Variants in SRP19 observed in about 807,000 individuals in gnomAD.
The protein encoded by SRP19 is signal recognition particle 19 kDa protein.
In SRP19, 11 loss-of-function variants were observed where a neutral mutation model predicts 22.4. The observed-to-expected ratio is 0.49, with a 90% CI of 0.31 to 0.81. The LOEUF is 0.81. Among genes scored for constraint, SRP19 ranks in the 40% least tolerant of loss-of-function variants. The pLI is 0.05. For missense variants in SRP19, 168 were observed against 175.9 expected (o/e 0.96, Z 0.25); for synonymous variants, 61 against 57.6 (o/e 1.06, Z -0.27).
chr5:112,867,797 T>G lies in SRP19; in HGVS notation c.*260T>G. 1 of 1,166,422 alleles carries G rather than the reference T, an allele frequency of 8.6e-7. No homozygotes were observed. Among genetic ancestry groups the G allele is most frequent in the Non-Finnish European group, 1.1e-6 (1 of 945,110 alleles). 72.3% of individuals were successfully genotyped at this position (1,166,422 alleles called of 1,614,324 possible). ...GAAGAAAATATTTTTAAATGGACAA[T>G]GGACTGTACAATAAGTTACTTGAAA... is the stretch of plus-strand genomic sequence containing the variant. On this transcript the variant is annotated 3_prime_UTR_variant, in exon 5 of 5. Coordinates refer to ENST00000505459, the MANE Select transcript of SRP19 (RefSeq NM_003135.3).
chr5:112,877,249 A>G (rs1767925306), intron 4 of SRP19: 1 of 152,170 alleles, frequency 6.6e-6, no homozygotes, highest in Non-Finnish European at 1.5e-5. Context: ...TTACATCATG[A>G]GACATTGTTA....
intron 4 of SRP19, among the ~76,000 whole-genome samples, chr5:112,890,938 T>C (rs1768420176): frequency 6.6e-6 from 1 of 150,792 alleles, no homozygotes; most frequent in Non-Finnish European, 1.5e-5. Flanking sequence ...TTACTAAGCA[T>C]AGCAAGGACT....
chr5:112,874,646 C>G (rs564720781), downstream of SRP19, among the ~76,000 whole-genome samples: 243 of 152,216 alleles, frequency 1.6e-3, no homozygotes, highest in Middle Eastern at 0.01. Flanking sequence ...CCAACATTGC[C>G]CGGGCTGTTT....
intron 4 of SRP19, chr5:112,877,975 G>T (rs1767947603): frequency 7.2e-6 from 1 of 137,948 alleles, no homozygotes; most frequent in South Asian, 2.3e-4. Context: ...AGAGTTACAG[G>T]TTACTCTGTG....
At chr5:112,863,804 A>G (rs1448760420) in intron 2 of SRP19, among the ~76,000 whole-genome samples, 1 of 152,180 alleles carries the variant, frequency 6.6e-6, no homozygotes, top group Admixed American at 6.5e-5. Context: ...AGCTGGGACT[A>G]CAGGCACATG....
At chr5:112,881,359 C>G (rs905439532) in intron 4 of SRP19, among the ~76,000 whole-genome samples, 1 of 152,080 alleles carries the variant, frequency 6.6e-6, no homozygotes, top group Admixed American at 6.5e-5. Context: ...CAGGCAACCT[C>G]ACAACTCCCA....
At chr5:112,897,860 A>C (rs1313420783), downstream of SRP19, 1 of 152,226 alleles carries the variant, frequency 6.6e-6, no homozygotes, top group Non-Finnish European at 1.5e-5. Flanking sequence ...GGAGTTTGAG[A>C]CCAGCCTGGC....
At chr5:112,863,936 C>T (rs895324000) in intron 2 of SRP19, among the ~76,000 whole-genome samples, 14 of 152,172 alleles carry the variant, frequency 9.2e-5, no homozygotes, top group African/African-American at 3.4e-4. Flanking sequence ...AGCCACCACA[C>T]CTGGCCCTTT....
chr5:112,890,189 T>A (rs931008205), intron 4 of SRP19, among the ~76,000 whole-genome samples: 1 of 149,406 alleles, frequency 6.7e-6, no homozygotes, highest in African/African-American at 2.5e-5. Context: ...TCCTGGGAGG[T>A]TGAGGTGGGA....
intron 4 of SRP19, among the ~76,000 whole-genome samples, chr5:112,888,453 T>G (rs190885988): frequency 6.6e-6 from 1 of 152,310 alleles, no homozygotes; most frequent in Non-Finnish European, 1.5e-5. Flanking sequence ...CTGAGAGTCT[T>G]GCTCTGTCAC....
downstream of SRP19, among the ~76,000 whole-genome samples, chr5:112,869,969 A>C (rs1175039353): frequency 6.6e-6 from 1 of 152,226 alleles, no homozygotes. Flanking sequence ...TAAAGTTTAT[A>C]AATTGGACAC....
intron 4 of SRP19, among the ~76,000 whole-genome samples, chr5:112,881,177 G>A (rs935375430): frequency 1.3e-4 from 19 of 150,272 alleles, no homozygotes; most frequent in African/African-American, 4.6e-4. Context: ...GTGGGAGGAG[G>A]TTAAGGCTAC....
At chr5:112,888,938 C>T (rs1009834639) in intron 4 of SRP19, among the ~76,000 whole-genome samples, 2 of 150,742 alleles carry the variant, frequency 1.3e-5, no homozygotes, top group Admixed American at 6.6e-5. Flanking sequence ...GGGGTGGTTT[C>T]CTGCCATACT....
downstream of SRP19, among the ~76,000 whole-genome samples, chr5:112,874,648 G>A (rs1160317498): frequency 6.6e-6 from 1 of 152,046 alleles, no homozygotes; most frequent in African/African-American, 2.4e-5. Flanking sequence ...AACATTGCCC[G>A]GGCTGTTTAA....
At position 112,868,961 on chromosome 5, in the gene SRP19, T is replaced by C. The variant is rs1767693849; in HGVS notation, c.*1424T>C. On this transcript the variant is annotated 3_prime_UTR_variant, in exon 5 of 5. Transcript: ENST00000505459. ...ATAATAGTATAAGACTTAGTTTATA[T>C]ATTTGACTTACAAATAAATCCTGGG... 6.6e-6 allele frequency: 1 copy of C among 152,172 alleles called. No homozygotes were observed. The highest frequency in any genetic ancestry group is 2.1e-4 in the South Asian group (1 of 4,824). 9.4% of individuals were successfully genotyped at this position (152,172 alleles called of 1,614,324 possible). A position where few individuals can be genotyped will look rare whatever the true frequency, so the allele number is the denominator to read the frequency against.
chr5:112,879,615 A>G (rs1264321611), intron 4 of SRP19, among the ~76,000 whole-genome samples: 1 of 151,938 alleles, frequency 6.6e-6, no homozygotes, highest in African/African-American at 2.4e-5. Context: ...CTGGGACTAC[A>G]TGCACTCACC....
chr5:112,864,556 A>T, intron 3 of SRP19, 28 bp downstream of exon 3: 2 of 1,612,464 alleles, frequency 1.2e-6, no homozygotes, highest in Non-Finnish European at 1.7e-6. Context: ...ACTATTTTCC[A>T]TACTCATCTA....
chr5:112,888,320 A>C (rs1768323898), intron 4 of SRP19, among the ~76,000 whole-genome samples: 1 of 152,240 alleles, frequency 6.6e-6, no homozygotes, highest in South Asian at 2.1e-4. Flanking sequence ...TAAAATGCAC[A>C]AATAGCTCAC....
chr5:112,883,621 A>G (rs1768142963), intron 4 of SRP19, among the ~76,000 whole-genome samples: 1 of 152,152 alleles, frequency 6.6e-6, no homozygotes, highest in Non-Finnish European at 1.5e-5. Context: ...CTCATGCTTA[A>G]TATGTATAAG....
Sources: gnomAD v4.1 joint callset for allele counts (sites outside exome capture counted in the v4.1 genomes callset) on GRCh38, gnomAD v4.1.1 for gene constraint, MANE v1.5 for transcripts, NCBI Gene and HGNC (gene_info 2026-07-23, HGNC 2026-07-21) for gene names.